ERICH2: variants seen among roughly 807,000 people sequenced by gnomAD.
The protein encoded by ERICH2 is glutamate-rich protein 2.
Under a neutral mutation model 17.4 loss-of-function variants are expected in ERICH2, and 17 were observed. That is an observed-to-expected ratio of 0.98 (90% CI 0.67 to 1.47). The LOEUF (loss-of-function observed/expected upper bound fraction) is 1.47. ERICH2 is among the 40% of genes most tolerant of loss of function. The probability of loss-of-function intolerance (pLI) is 0.00; values close to 1 mark genes in which losing one functional copy is unlikely to be tolerated. For missense variants in ERICH2, 186 were observed against 183.2 expected, an observed-to-expected ratio of 1.01 and a Z score of -0.09; for synonymous variants, 51 against 61.1, an observed-to-expected ratio of 0.83 and a Z score of 0.77.
chr2:170,792,986 T>A, intron 3 of ERICH2, 66 bp downstream of exon 8: 1 of 949,480 alleles, frequency 1.1e-6, no homozygotes, highest in South Asian at 1.8e-5. Flanking sequence ...TTCCGTAATA[T>A]ATAAAATGGC....
intron 3 of ERICH2, among the ~76,000 whole-genome samples, chr2:170,795,650 A>T (rs1701398208): frequency 6.6e-6 from 1 of 152,170 alleles, no homozygotes; most frequent in African/African-American, 2.4e-5. Context: ...CCTGTCCAAA[A>T]GTGGTTTTTA....
At chr2:170,794,100 T>TC (rs1491229107) in intron 3 of ERICH2, among the ~76,000 whole-genome samples, 1 of 98,774 alleles carries the variant, frequency 1.0e-5, no homozygotes, top group Non-Finnish European at 1.9e-5. Context: ...CTCTTTCCTT[T>TC]CTTTCTTTTT....
the ERICH2 span, among the ~76,000 whole-genome samples, chr2:170,773,604 C>T: frequency 6.6e-6 from 1 of 152,258 alleles, no homozygotes; most frequent in African/African-American, 2.4e-5. Flanking sequence ...AGTTAGTACC[C>T]GTTTCACCTA....
At chr2:170,795,267 T>C (rs1374606793) in intron 3 of ERICH2, among the ~76,000 whole-genome samples, 3 of 152,174 alleles carry the variant, frequency 2.0e-5, no homozygotes, top group African/African-American at 7.2e-5. Flanking sequence ...TGAGAGTCAC[T>C]GCATCCAGCC....
At chr2:170,780,490 G>C (rs959189295), upstream of ERICH2, among the ~76,000 whole-genome samples, 8 of 152,096 alleles carry the variant, frequency 5.3e-5, no homozygotes, top group Non-Finnish European at 1.0e-4. Flanking sequence ...ATTTACTTCA[G>C]GTCATTGAGT....
intron 1 of ERICH2, 37 bp from the exon 7 acceptor site, chr2:170,784,609 G>C: frequency 1.5e-6 from 2 of 1,316,344 alleles, no homozygotes; most frequent in Non-Finnish European, 2.0e-6. Flanking sequence ...CGAACTTTTC[G>C]ATCTCTTTTG....
upstream of ERICH2, chr2:170,780,019 C>G (rs964974424): frequency 3.7e-5 from 7 of 191,562 alleles, no homozygotes; most frequent in African/African-American, 1.7e-4. Flanking sequence ...ATATACCCAA[C>G]ATGCTGAGGA....
the ERICH2 span, among the ~76,000 whole-genome samples, chr2:170,776,078 A>C: frequency 6.6e-6 from 1 of 152,122 alleles, no homozygotes; most frequent in Non-Finnish European, 1.5e-5. Context: ...AAAAAAAAGT[A>C]AGAGTTTATT....
the ERICH2 span, chr2:170,777,487 A>G: frequency 8.1e-6 from 9 of 1,117,306 alleles, no homozygotes; most frequent in Non-Finnish European, 9.1e-6. Flanking sequence ...AATAGTAAGA[A>G]GACTATTGGA....
At chr2:170,798,383 C>T (rs1298520208) in intron 4 of ERICH2, among the ~76,000 whole-genome samples, 5 of 152,060 alleles carry the variant, frequency 3.3e-5, no homozygotes, top group Non-Finnish European at 5.9e-5. Flanking sequence ...AACACGGCTG[C>T]GTGTTAAAGG....
chr2:170,779,708 G>A, upstream of ERICH2: 2 of 372,404 alleles, frequency 5.4e-6, no homozygotes, highest in Non-Finnish European at 7.4e-6. Flanking sequence ...GTATCTCTAG[G>A]ACTTTTCTTA....
the ERICH2 span, among the ~76,000 whole-genome samples, chr2:170,774,006 G>C: frequency 6.6e-6 from 1 of 152,170 alleles, no homozygotes; most frequent in East Asian, 1.9e-4. Context: ...ACAGGTGTGA[G>C]CCACGACACC....
At chr2:170,782,967 A>G (rs1244343640), upstream of ERICH2, among the ~76,000 whole-genome samples, 1 of 152,166 alleles carries the variant, frequency 6.6e-6, no homozygotes, top group Admixed American at 6.5e-5. Flanking sequence ...GCACGCTAGT[A>G]TATACTTGTA....
exon 3 of ERICH2, chr2:170,792,890 T>C: frequency 6.6e-7 from 1 of 1,519,590 alleles, no homozygotes; most frequent in Non-Finnish European, 8.9e-7. Context: ...GGCCCGAGAG[T>C]ACCAGCTGGC....
chr2:170,796,368 C>T (rs1309476643), intron 3 of ERICH2, among the ~76,000 whole-genome samples: 5 of 151,144 alleles, frequency 3.3e-5, no homozygotes, highest in African/African-American at 4.9e-5. Flanking sequence ...TGGGTGGGAT[C>T]CTATGAGCCA....
chr2:170,787,310 G>A (rs959069210), intron 2 of ERICH2, among the ~76,000 whole-genome samples: 7 of 147,320 alleles, frequency 4.8e-5, no homozygotes, highest in Non-Finnish European at 9.0e-5. Context: ...GTTGGACTTC[G>A]GTAAATATTT....
the ERICH2 span, chr2:170,777,457 T>G: frequency 1.7e-6 from 2 of 1,208,288 alleles, no homozygotes; most frequent in Admixed American, 4.3e-5. Context: ...AAGAATATGT[T>G]TAGCCACTAT....
At chr2:170,798,591 A>T (rs1701487123) in intron 4 of ERICH2, among the ~76,000 whole-genome samples, 179 bp from the exon 10 acceptor site, 1 of 152,244 alleles carries the variant, frequency 6.6e-6, no homozygotes, top group Non-Finnish European at 1.5e-5. Flanking sequence ...CCTGTATGCC[A>T]GTAAAAATAC....
rs1701478133 is a variant in ERICH2, at chr2:170,798,238, C to T, written c.346+126C>T. ...GGTTAAGAAAAGGCTAAATGGCTGT[C>T]TTAAATGGTTTAGTGAAACAGCTTG... On this transcript the variant is annotated intron_variant, in intron 4 of 4. Coordinates refer to ENST00000409885, the Ensembl canonical transcript of ERICH2. The T allele has an allele frequency of 1.6e-5, 11 of 687,722 alleles. No individual in the cohort carries two copies. In the Admixed American group the frequency reaches 2.4e-4, roughly 15 times the overall value. The allele number at this position is 687,722 out of a possible 1,614,324, so 42.6% of individuals were successfully genotyped here.
Sources: gnomAD v4.1 joint callset for allele counts (sites outside exome capture counted in the v4.1 genomes callset) on GRCh38, gnomAD v4.1.1 for gene constraint, MANE v1.5 for transcripts, NCBI Gene and HGNC (gene_info 2026-07-23, HGNC 2026-07-21) for gene names.